BANP: variants seen among roughly 807,000 people sequenced by gnomAD.
BANP encodes the protein protein BANP.
In BANP, 11 loss-of-function variants were observed where a neutral mutation model predicts 68.1. That is an observed-to-expected ratio of 0.16 (90% CI 0.10 to 0.27). The LOEUF is 0.27. BANP is among the 10% of genes least tolerant of loss of function. The pLI is 1.00. For synonymous variants in BANP, 329 were observed against 303.2 expected, an observed-to-expected ratio of 1.09 and a Z score of -0.88; for missense variants, 504 against 722.7, an observed-to-expected ratio of 0.70 and a Z score of 3.47.
chr16:88,023,068 C>T (rs969427960), intron 7 of BANP, among the ~76,000 whole-genome samples: 28 of 152,176 alleles, frequency 1.8e-4, no homozygotes, highest in Non-Finnish European at 3.7e-4. Context: ...GGTGAGGCTG[C>T]CCTATATGTG....
intron 11 of BANP, among the ~76,000 whole-genome samples, chr16:88,046,372 G>T (rs1240440063): frequency 3.9e-5 from 6 of 152,196 alleles, no homozygotes; most frequent in African/African-American, 1.4e-4. Context: ...CCTCATCGCT[G>T]TAAAGCAATC....
chr16:88,004,152 T>A lies in BANP; in HGVS notation c.363-143T>A, dbSNP rs1598348498. The A allele has an allele frequency of 1.5e-6, 1 of 650,996 alleles. No individual in the cohort carries two copies. Among genetic ancestry groups the A allele is most frequent in the East Asian group, 2.8e-5 (1 of 35,718 alleles). 40.3% of individuals were successfully genotyped at this position (650,996 alleles called of 1,614,324 possible). A position where few individuals can be genotyped will look rare whatever the true frequency, so the allele number is the denominator to read the frequency against. On this transcript the variant is annotated intron_variant, in intron 4 of 13. Coordinates refer to ENST00000682872, the MANE Select transcript of BANP (RefSeq NM_001386991.1). This position sits in a 1 kb window ranked among gnomAD's most constrained non-coding sequence, Gnocchi z 7.0. ...CCCCCTCAGGACGGGTCCCTGGGAG[T>A]GGACTATGTTGAATGACTCTTAGGC...
At chr16:88,024,621 C>A (rs1026473289) in intron 7 of BANP, among the ~76,000 whole-genome samples, 1 of 152,234 alleles carries the variant, frequency 6.6e-6, no homozygotes, top group African/African-American at 2.4e-5. Context: ...GCGGCGCCTG[C>A]ACCCGTAAGT....
chr16:87,977,425 A>AAAAC (rs1555546943), intron 2 of BANP, among the ~76,000 whole-genome samples: 14 of 151,780 alleles, frequency 9.2e-5, no homozygotes, highest in Non-Finnish European at 1.6e-4. Flanking sequence ...TCTCAAAAAA[A>AAAAC]AAAACAAAAC....
chr16:87,952,999 T>A (rs2057288702), intron 1 of BANP, among the ~76,000 whole-genome samples: 1 of 152,092 alleles, frequency 6.6e-6, no homozygotes, highest in Non-Finnish European at 1.5e-5. Context: ...TTTAATCTTT[T>A]TAAAAAAGAG....
rs539091111 is a variant in BANP, at chr16:88,017,632, T to TG, written c.656-794dup. ...TGGGAGGGAGGGAGGCGGAGAGGTG[T>TG]GGAGGGGCTGGCGGGCGTCACTGCC... On this transcript the variant is annotated intron_variant, in intron 6 of 13. Transcript: ENST00000682872. Among the ~76,000 whole-genome samples the TG allele has an allele frequency of 1.2e-3, 176 of 152,144 alleles. 1 individual carries two copies. The highest frequency in any genetic ancestry group is 3.9e-3 in the African/African-American group (163 of 41,516).
intron 1 of BANP, among the ~76,000 whole-genome samples, chr16:87,968,850 C>G (rs1215712030): frequency 6.6e-6 from 1 of 152,036 alleles, no homozygotes; most frequent in Non-Finnish European, 1.5e-5. Flanking sequence ...ATTTTCCTGT[C>G]CGATCATTTT....
At chr16:88,072,291 G>A (rs567150446) in intron 13 of BANP, 79 bp downstream of exon 13, 320 of 1,498,112 alleles carry the variant, frequency 2.1e-4, no homozygotes, top group Admixed American at 4.1e-4. Flanking sequence ...ACGTGGCCCC[G>A]GGGCTTTCTC....
chr16:88,065,451 G>C (rs943958788), intron 12 of BANP, 119 bp downstream of exon 12: 8 of 618,332 alleles, frequency 1.3e-5, no homozygotes, highest in Non-Finnish European at 2.0e-5. Context: ...CTCACCACGT[G>C]AGGGTGATCA....
At chr16:87,962,003 G>T (rs562735675) in intron 1 of BANP, among the ~76,000 whole-genome samples, 1 of 152,232 alleles carries the variant, frequency 6.6e-6, no homozygotes, top group East Asian at 1.9e-4. Flanking sequence ...ACTTTGGGAG[G>T]ATGAGGTGGG....
Position 88,071,928 on chromosome 16 carries a change from C to G in BANP, c.1378-141C>G, listed in dbSNP as rs773511127. On this transcript the variant is annotated intron_variant, in intron 12 of 13. Coordinates refer to ENST00000682872, the MANE Select transcript of BANP (RefSeq NM_001386991.1). The surrounding 1 kb of genome is among the most constrained non-coding windows in gnomAD (Gnocchi z 6.5). ...GAGACAGGATGTGCCGCAGAGTCCT[C>G]GGTGTGGCCCTGAGGCCGTGTCCCT... 3 of 1,089,192 alleles carry G rather than the reference C, an allele frequency of 2.8e-6. No homozygotes were observed. Among genetic ancestry groups the G allele is most frequent in the Admixed American group, 4.1e-5 (2 of 49,294 alleles). 67.5% of individuals were successfully genotyped at this position (1,089,192 alleles called of 1,614,324 possible). A position where few individuals can be genotyped will look rare whatever the true frequency, so the allele number is the denominator to read the frequency against.
Position 87,982,961 on chromosome 16 carries a change from G to A in BANP, c.163-1099G>A, listed in dbSNP as rs145318358. 9.9e-3 allele frequency among the ~76,000 whole-genome samples: 1,502 copies of A among 151,894 alleles called. 28 individuals are homozygous for A. The highest frequency in any genetic ancestry group is 0.034 in the African/African-American group (1,394 of 41,230). On this transcript the variant is annotated intron_variant, in intron 3 of 13. Coordinates refer to ENST00000682872, the MANE Select transcript of BANP (RefSeq NM_001386991.1). ...AGCCGTTCCGGCTCCAATGTGGGCC[G>A]GCCTCCCGCTCCCCTGTCAATGTGG...
chr16:88,060,257 C>T (rs1161983234), intron 11 of BANP, among the ~76,000 whole-genome samples: 2 of 152,254 alleles, frequency 1.3e-5, no homozygotes, highest in African/African-American at 4.8e-5. Flanking sequence ...GCCCTCCGGG[C>T]AGAGCCCACC....
At chr16:88,041,624 C>G (rs1037571848) in intron 11 of BANP, among the ~76,000 whole-genome samples, 2 of 152,222 alleles carry the variant, frequency 1.3e-5, no homozygotes, top group African/African-American at 4.8e-5. Flanking sequence ...TCTGTCTGCT[C>G]TGATACTGAG....
rs1419392293 is a variant in BANP, at chr16:87,957,410, C to T, written c.-69+5895C>T. 1.3e-5 allele frequency among the ~76,000 whole-genome samples: 2 copies of T among 152,190 alleles called. No homozygotes were observed. The highest frequency in any genetic ancestry group is 6.5e-5 in the Admixed American group (1 of 15,278). Reference sequence around the variant, plus strand: ...TGGCTGCAGTCACCTCCCCTCTGCTCGTCTGTGTCCACATTCTGTCGTGGT... The same window carrying T: ...TGGCTGCAGTCACCTCCCCTCTGCTTGTCTGTGTCCACATTCTGTCGTGGT... On this transcript the variant is annotated intron_variant, in intron 1 of 13. Transcript: ENST00000682872. The surrounding 1 kb of genome is among the most constrained non-coding windows in gnomAD (Gnocchi z 4.3).
At chr16:87,994,132 C>G (rs1289050770) in intron 4 of BANP, among the ~76,000 whole-genome samples, 1 of 151,912 alleles carries the variant, frequency 6.6e-6, no homozygotes, top group African/African-American at 2.4e-5. Context: ...ACTGTGTCCT[C>G]TGAACATGCG....
intron 4 of BANP, among the ~76,000 whole-genome samples, chr16:87,989,798 G>A (rs889535379): frequency 8.3e-6 from 1 of 120,480 alleles, no homozygotes; most frequent in Non-Finnish European, 1.7e-5. Flanking sequence ...GCGTGGCTGC[G>A]CGCATCCAGG....
chr16:88,060,036 T>C (rs1031146628), intron 11 of BANP, among the ~76,000 whole-genome samples: 2 of 152,240 alleles, frequency 1.3e-5, no homozygotes, highest in Non-Finnish European at 2.9e-5. Flanking sequence ...TCTCTGGGCC[T>C]TCCTCTGAAG....
Position 88,062,816 on chromosome 16 carries a change from C to G in BANP, c.1312-2451C>G, listed in dbSNP as rs185612743. Among the ~76,000 whole-genome samples the G allele has an allele frequency of 1.8e-3, 270 of 152,302 alleles. 4 individuals are homozygous for G. Among genetic ancestry groups the G allele is most frequent in the Non-Finnish European group, 5.9e-5 (4 of 68,024 alleles). ...TGTTGGGCACTAAGTCGGAATTCGG[C>G]CCAGCCTGCTCTACCCCTGAAGGCC... is the stretch of plus-strand genomic sequence containing the variant. On this transcript the variant is annotated intron_variant, in intron 11 of 13. Coordinates refer to ENST00000682872, the MANE Select transcript of BANP (RefSeq NM_001386991.1).
Sources: allele counts gnomAD v4.1 joint callset (sites outside exome capture counted in the v4.1 genomes callset), GRCh38; gene constraint gnomAD v4.1.1; non-coding constraint Gnocchi (gnomAD v3.1); transcripts MANE v1.5; gene names NCBI Gene and HGNC (gene_info 2026-07-23, HGNC 2026-07-21).